CHCHD3: variants seen among roughly 807,000 people sequenced by gnomAD.
The protein encoded by CHCHD3 is coiled-coil-helix-coiled-coil-helix domain containing 3, also known as MICOS complex subunit MIC19.
A neutral mutation model predicts 38.2 loss-of-function variants in CHCHD3; 20 were observed. The observed-to-expected ratio is 0.52, with a 90% CI of 0.37 to 0.76. The LOEUF (loss-of-function observed/expected upper bound fraction) is 0.76. Among genes scored for constraint, CHCHD3 ranks in the 30% least tolerant of loss-of-function variants. The pLI, the probability that CHCHD3 is intolerant of heterozygous loss-of-function variation, is 0.00. For synonymous variants in CHCHD3, 82 were observed against 100.0 expected (o/e 0.82, Z 1.07); for missense variants, 245 against 279.2 (o/e 0.88, Z 0.87).
chr7:132,971,591 C>CT (rs1343966129), intron 4 of CHCHD3, among the ~76,000 whole-genome samples: 3 of 151,994 alleles, frequency 2.0e-5, no homozygotes, highest in Non-Finnish European at 4.4e-5. Flanking sequence ...AGACAGAAAC[C>CT]TAAATGTCAG....
intron 2 of CHCHD3, among the ~76,000 whole-genome samples, chr7:133,027,562 G>C (rs1813382144): frequency 6.6e-6 from 1 of 152,064 alleles, no homozygotes; most frequent in Admixed American, 6.6e-5. Flanking sequence ...CAATCTAGGG[G>C]AACTTTGGGA....
At chr7:132,813,835 A>G (rs1049114803) in intron 6 of CHCHD3, among the ~76,000 whole-genome samples, 3 of 152,224 alleles carry the variant, frequency 2.0e-5, no homozygotes, top group African/African-American at 7.2e-5. Flanking sequence ...GGGATTAAAA[A>G]GCTGTACTCA....
chr7:132,951,111 T>C (rs1585667618), intron 4 of CHCHD3, among the ~76,000 whole-genome samples: 1 of 152,324 alleles, frequency 6.6e-6, no homozygotes, highest in East Asian at 1.9e-4. Context: ...CTAATTCTAA[T>C]GTCATGATCC....
intron 3 of CHCHD3, among the ~76,000 whole-genome samples, chr7:133,015,150 T>C (rs1286778624): frequency 6.6e-6 from 1 of 152,100 alleles, no homozygotes; most frequent in East Asian, 1.9e-4. Flanking sequence ...GAGACCAGCC[T>C]GTCCAACATG....
intron 4 of CHCHD3, among the ~76,000 whole-genome samples, chr7:132,918,029 G>A (rs776748079): frequency 6.6e-6 from 1 of 152,066 alleles, no homozygotes; most frequent in Non-Finnish European, 1.5e-5. Context: ...GGACAACACG[G>A]TGAAGATTTA....
rs999015053 is a variant in CHCHD3, at chr7:133,034,490, T to C, written c.170-9863A>G. 7.9e-6 allele frequency: 7 copies of C among 886,982 alleles called. No homozygotes were observed. The African/African-American group carries it at 1.2e-4, about 15-fold the overall frequency. The allele number at this position is 886,982 out of a possible 1,614,324, so 54.9% of individuals were successfully genotyped here. A position where few individuals can be genotyped will look rare whatever the true frequency, so the allele number is the denominator to read the frequency against. On this transcript the variant is annotated intron_variant, in intron 2 of 7. Transcript: ENST00000262570. ...CATCTATAATTCTTTTCAAGTCCTT[T>C]CAGCAATTGGATCCAGTCTTTTTTT...
intron 2 of CHCHD3, among the ~76,000 whole-genome samples, chr7:133,045,732 G>T (rs1479566751): frequency 3.9e-5 from 6 of 152,142 alleles, no homozygotes. Flanking sequence ...GTAATCGCCA[G>T]TGTTGGAGGT....
intron 2 of CHCHD3, among the ~76,000 whole-genome samples, chr7:133,062,602 T>C (rs770875296): frequency 2.0e-5 from 3 of 152,208 alleles, no homozygotes; most frequent in Non-Finnish European, 4.4e-5. Flanking sequence ...GTCCAGAATC[T>C]ACAGCAGCAA....
intron 4 of CHCHD3, among the ~76,000 whole-genome samples, chr7:132,924,699 G>C (rs1810336145): frequency 6.6e-6 from 1 of 152,148 alleles, no homozygotes; most frequent in African/African-American, 2.4e-5. Flanking sequence ...TCCCCACTTA[G>C]CTTAAATAGA....
intron 3 of CHCHD3, among the ~76,000 whole-genome samples, chr7:133,001,277 G>A (rs1030920701): frequency 1.1e-4 from 17 of 152,044 alleles, no homozygotes; most frequent in Non-Finnish European, 2.2e-4. Flanking sequence ...CTAACCCTCC[G>A]GATCTCCTTT....
intron 3 of CHCHD3, among the ~76,000 whole-genome samples, chr7:132,983,160 A>T (rs1171093046): frequency 6.6e-6 from 1 of 152,104 alleles, no homozygotes; most frequent in Non-Finnish European, 1.5e-5. Flanking sequence ...CATCTCCATT[A>T]AAAATACAAA....
At chr7:132,987,750 A>G (rs1182266451) in intron 3 of CHCHD3, among the ~76,000 whole-genome samples, 1 of 152,162 alleles carries the variant, frequency 6.6e-6, no homozygotes, top group Non-Finnish European at 1.5e-5. Context: ...AAACATTTTT[A>G]GAGAAACTAA....
intron 4 of CHCHD3, among the ~76,000 whole-genome samples, chr7:132,917,092 T>A (rs1225233426): frequency 6.6e-6 from 1 of 152,188 alleles, no homozygotes; most frequent in Non-Finnish European, 1.5e-5. Context: ...ATGACTGCAT[T>A]GTTGTTTTTA....
chr7:132,791,328 G>A (rs888013412), intron 7 of CHCHD3, among the ~76,000 whole-genome samples: 3 of 152,182 alleles, frequency 2.0e-5, no homozygotes, highest in Middle Eastern at 3.2e-3. Flanking sequence ...GAATTTAAGA[G>A]TGGGCTGTTT....
intron 4 of CHCHD3, among the ~76,000 whole-genome samples, chr7:132,914,859 T>G (rs1025594765): frequency 1.3e-5 from 2 of 151,946 alleles, no homozygotes; most frequent in Admixed American, 6.6e-5. Flanking sequence ...TAAAGAAGAA[T>G]AATATTAAGT....
intron 4 of CHCHD3, among the ~76,000 whole-genome samples, chr7:132,926,028 G>A (rs938885301): frequency 2.8e-4 from 42 of 152,198 alleles, no homozygotes; most frequent in African/African-American, 1.0e-3. Flanking sequence ...GGCAGACTAT[G>A]AGGATGAGCC....
chr7:132,911,921 A>G (rs1480650367), intron 4 of CHCHD3, among the ~76,000 whole-genome samples: 1 of 152,204 alleles, frequency 6.6e-6, no homozygotes, highest in Non-Finnish European at 1.5e-5. Flanking sequence ...TAACATGTCT[A>G]CCCATGTCCT....
At chr7:132,999,325 A>G (rs1003782509) in intron 3 of CHCHD3, among the ~76,000 whole-genome samples, 4 of 152,082 alleles carry the variant, frequency 2.6e-5, no homozygotes, top group African/African-American at 9.7e-5. Flanking sequence ...TTAATAGTAC[A>G]CTCTATGTCA....
intron 2 of CHCHD3, among the ~76,000 whole-genome samples, chr7:133,047,657 T>C (rs1399180853): frequency 6.6e-6 from 1 of 152,332 alleles, no homozygotes; most frequent in Admixed American, 6.5e-5. Flanking sequence ...ATTGGCTACA[T>C]TATGAAACTA....
Sources: allele counts gnomAD v4.1 joint callset (sites outside exome capture counted in the v4.1 genomes callset), GRCh38; gene constraint gnomAD v4.1.1; transcripts MANE v1.5; gene names NCBI Gene and HGNC (gene_info 2026-07-23, HGNC 2026-07-21).